The following STYXL1 variants were observed in gnomAD, a reference collection of about 807,000 sequenced individuals.
The protein encoded by STYXL1 is serine/threonine/tyrosine-interacting-like protein 1.
STYXL1 carries 32 observed loss-of-function variants against 36.4 expected under a neutral mutation model. The ratio of observed to expected loss-of-function variants is 0.88; its 90% CI spans 0.66 to 1.18. The LOEUF (loss-of-function observed/expected upper bound fraction) is 1.18, where lower values mean the gene tolerates loss of function less well. STYXL1 is among the 50% of genes most tolerant of loss of function. The pLI is 0.00. For synonymous variants in STYXL1, 133 were observed against 144.1 expected, an observed-to-expected ratio of 0.92 and a Z score of 0.55; for missense variants, 354 against 394.1, an observed-to-expected ratio of 0.90 and a Z score of 0.86.
At chr7:76,040,113 A>G (rs1008574539) in intron 1 of STYXL1, among the ~76,000 whole-genome samples, 39 of 152,260 alleles carry the variant, frequency 2.6e-4, no homozygotes, top group African/African-American at 9.4e-4. Flanking sequence ...CTGTAAGGGT[A>G]ACAGGTCTGC....
At chr7:76,010,639 G>C (rs1164285424) in intron 5 of STYXL1, among the ~76,000 whole-genome samples, 1 of 152,116 alleles carries the variant, frequency 6.6e-6, no homozygotes, top group Non-Finnish European at 1.5e-5. Context: ...CGGGGCCAGA[G>C]AGCAGGCACT....
intron 4 of STYXL1, among the ~76,000 whole-genome samples, chr7:76,015,271 G>A (rs1195424580): frequency 6.6e-6 from 1 of 152,078 alleles, no homozygotes; most frequent in Non-Finnish European, 1.5e-5. Flanking sequence ...AAGGGGAAAG[G>A]ACTCCCACTT....
Position 76,013,836 on chromosome 7 carries a change from G to A in STYXL1, c.359C>T (p.Thr120Ile). Residue 120 changes from threonine (T) to isoleucine (I), a missense_variant, in exon 5 of 9, where the codon ACC becomes ATC. Transcript: ENST00000359697. ...TTTCAGGATGTAGACGGGGTGGTGG[G>A]TGAGGCGGGTCAGGATCCTGCCATA... ...IEYGRILTRL[T>I]HHPVYILKGG... 1 of 1,614,054 alleles carries A rather than the reference G, an allele frequency of 6.2e-7. No individual in the cohort carries two copies. The highest frequency in any genetic ancestry group is 1.7e-5 in the Admixed American group (1 of 59,982).
chr7:76,046,346 G>GCT, intron 1 of STYXL1, among the ~76,000 whole-genome samples: 1 of 52,486 alleles, frequency 1.9e-5, no homozygotes. Flanking sequence ...GTGTGCGCGC[G>GCT]CGCGCGCGCG....
At chr7:76,038,617 G>A (rs962612650) in intron 1 of STYXL1, among the ~76,000 whole-genome samples, 12 of 151,406 alleles carry the variant, frequency 7.9e-5, no homozygotes, top group African/African-American at 7.3e-5. Context: ...TAGTAGAGAC[G>A]GGGTTTCACC....
At chr7:76,016,418 T>G (rs1444458526) in intron 4 of STYXL1, among the ~76,000 whole-genome samples, 1 of 147,630 alleles carries the variant, frequency 6.8e-6, no homozygotes, top group Non-Finnish European at 1.5e-5. Context: ...TATCTATACG[T>G]ATACACATAT....
In STYXL1 at chr7:76,037,221, G is replaced by C. The variant is rs368313938; in HGVS notation, c.-4-6694C>G. On this transcript the variant is annotated intron_variant, in intron 1 of 8. Coordinates refer to ENST00000359697, the MANE Select transcript of STYXL1 (RefSeq NM_001317785.2). The stretch of plus-strand genomic sequence containing the variant: ...GCCTCCCAAAGTGCTGGGATTACAG[G>C]CATAAGCCACCATGCCCAGCCCAAA... Among the ~76,000 whole-genome samples the C allele has an allele frequency of 4.8e-3, 727 of 150,472 alleles. 28 individuals carry two copies. Among genetic ancestry groups the C allele is most frequent in the African/African-American group, 0.017 (682 of 41,266 alleles).
intron 1 of STYXL1, among the ~76,000 whole-genome samples, chr7:76,042,397 T>TG: frequency 1.3e-5 from 1 of 79,976 alleles, no homozygotes. Context: ...GTGCTTTTTT[T>TG]TTTTTTTTTT....
At position 76,047,765 on chromosome 7, in the gene STYXL1, G is replaced by A. The variant is rs1300429475; in HGVS notation, c.-108C>T. ...GGACGCGCTCCACCTCCCCGGCTGC[G>A]CGACTATGGCCAGGCTCCCTGTCGG... On this transcript the variant is annotated 5_prime_UTR_variant, in exon 1 of 9. Coordinates refer to ENST00000359697, the MANE Select transcript of STYXL1 (RefSeq NM_001317785.2). 2 of 378,028 alleles carry A rather than the reference G, an allele frequency of 5.3e-6. No individual in the cohort carries two copies. Among genetic ancestry groups the A allele is most frequent in the East Asian group, 1.1e-4 (1 of 8,918 alleles). 23.4% of individuals were successfully genotyped at this position (378,028 alleles called of 1,614,324 possible). A position where few individuals can be genotyped will look rare whatever the true frequency, so the allele number is the denominator to read the frequency against.
intron 1 of STYXL1, among the ~76,000 whole-genome samples, chr7:76,036,782 CTTTTTTTTT>C (rs71082378): frequency 9.8e-6 from 1 of 101,614 alleles, no homozygotes; most frequent in East Asian, 2.7e-4. Flanking sequence ...CAGTATAGCT[CTTTTTTTTT>C]TTTTTTTTTT....
intron 8 of STYXL1, among the ~76,000 whole-genome samples, chr7:75,999,299 A>G (rs991318805): frequency 1.3e-5 from 2 of 152,234 alleles, no homozygotes; most frequent in Non-Finnish European, 2.9e-5. Context: ...TAAGGTACCT[A>G]GAGTAGTCAA....
rs781865692 is a variant in STYXL1, at chr7:76,028,681, A to G, written c.126T>C (p.Tyr42=). ...GGGCAGTGATCACATGGCTTTCGTC[A>G]TACTCCCATTTGGAACGGACATCTG... The part of the protein sequence containing the change: ...CLLDVRSKWE[Y]DESHVITALR... Residue 42 remains tyrosine (Y), a synonymous_variant, in exon 3 of 9, where the codon TAT becomes TAC. Coordinates refer to ENST00000359697, the MANE Select transcript of STYXL1 (RefSeq NM_001317785.2). The G allele has an allele frequency of 6.2e-7, 1 of 1,614,066 alleles. No individual in the cohort carries two copies. Among genetic ancestry groups the G allele is most frequent in the Non-Finnish European group, 8.5e-7 (1 of 1,180,030 alleles).
chr7:76,011,830 C>A (rs1412107928), intron 5 of STYXL1, among the ~76,000 whole-genome samples: 1 of 152,196 alleles, frequency 6.6e-6, no homozygotes, highest in Non-Finnish European at 1.5e-5. Context: ...TCCAGATACC[C>A]GGGGCGTCCC....
At chr7:76,023,212 A>T (rs2116108977) in intron 3 of STYXL1, among the ~76,000 whole-genome samples, 1 of 152,140 alleles carries the variant, frequency 6.6e-6, no homozygotes, top group South Asian at 2.1e-4. Context: ...AGCTTCCTCC[A>T]GAGGCTTAAG....
intron 3 of STYXL1, 67 bp downstream of exon 3, chr7:76,028,575 T>C (rs1554578362): frequency 1.4e-6 from 2 of 1,477,814 alleles, no homozygotes; most frequent in East Asian, 2.3e-5. Flanking sequence ...AGGGTGAAAC[T>C]TCCCACTCTT....
At chr7:75,998,167 TC>T (rs1790366439) in intron 8 of STYXL1, among the ~76,000 whole-genome samples, 1 of 152,192 alleles carries the variant, frequency 6.6e-6, no homozygotes, top group Admixed American at 6.5e-5. Flanking sequence ...GTCTCACACT[TC>T]CTGATTTCAA....
intron 4 of STYXL1, among the ~76,000 whole-genome samples, chr7:76,021,323 C>T (rs1057163631): frequency 2.6e-4 from 40 of 152,068 alleles, no homozygotes; most frequent in African/African-American, 9.7e-4. Flanking sequence ...CCTTGTGATC[C>T]GCCCGCCTCG....
Position 75,996,481 on chromosome 7 carries a change from T to C in STYXL1, c.929A>G (p.Asp310Gly). 1.2e-6 allele frequency: 2 copies of C among 1,614,202 alleles called. No homozygotes were observed. The highest frequency in any genetic ancestry group is 1.7e-6 in the Non-Finnish European group (2 of 1,180,024). ...ILGDSITNIM[D>G]PLY ...CCTCGGAGAAGATCAGTAGAGCGGATCCATGATGTTTGTGATGGAATCTCC... is the reference window on the plus strand; with the variant it reads ...CCTCGGAGAAGATCAGTAGAGCGGACCCATGATGTTTGTGATGGAATCTCC... The change falls in exon 9 of 9, where the codon GAT becomes GGT. Residue 310 changes from aspartate to glycine, a missense_variant. Transcript: ENST00000359697.
rs557367261 is a variant in STYXL1, at chr7:76,022,755, T to C, written c.166-763A>G. Among the ~76,000 whole-genome samples, 49 of 151,698 alleles carry C rather than the reference T, an allele frequency of 3.2e-4. 2 individuals are homozygous for C. In the South Asian group the frequency reaches 9.6e-3, roughly 30 times the overall value. The stretch of plus-strand genomic sequence containing the variant: ...AGAAGTCATGAGTGAGCAGAAGGAA[T>C]GAGATAGACTAGAAGATCAAATGTG... On this transcript the variant is annotated intron_variant, in intron 3 of 8. Transcript: ENST00000359697.
Sources: gnomAD v4.1 joint callset for allele counts (sites outside exome capture counted in the v4.1 genomes callset) on GRCh38, gnomAD v4.1.1 for gene constraint, MANE v1.5 for transcripts, NCBI Gene and HGNC (gene_info 2026-07-23, HGNC 2026-07-21) for gene names.